The following ADAMTS6 variants were observed in gnomAD, a reference collection of about 807,000 sequenced individuals.
ADAMTS6 encodes A disintegrin and metalloproteinase with thrombospondin motifs 6.
In ADAMTS6, 23 loss-of-function variants were observed where a neutral mutation model predicts 144.3. That is an observed-to-expected ratio of 0.16 (90% CI 0.11 to 0.23). ADAMTS6 has a LOEUF of 0.23. ADAMTS6 is among the 10% of genes least tolerant of loss of function. The probability of loss-of-function intolerance (pLI) is 1.00; values close to 1 mark genes in which losing one functional copy is unlikely to be tolerated. For missense variants in ADAMTS6, 999 were observed against 1,379.6 expected (o/e 0.72, Z 4.37); for synonymous variants, 444 against 457.5 (o/e 0.97, Z 0.38).
At chr5:65,328,765 T>A (rs899798271) in intron 9 of ADAMTS6, among the ~76,000 whole-genome samples, 8 of 135,872 alleles carry the variant, frequency 5.9e-5, no homozygotes, top group African/African-American at 2.8e-4. Context: ...AAAAATGGTA[T>A]TTTTTGCATG....
At chr5:65,422,593 G>A (rs1756153990) in intron 7 of ADAMTS6, among the ~76,000 whole-genome samples, 1 of 152,082 alleles carries the variant, frequency 6.6e-6, no homozygotes, top group Non-Finnish European at 1.5e-5. Context: ...CTGCACTCCA[G>A]CCTGGTGACA....
chr5:65,206,808 T>C (rs1453107065), intron 20 of ADAMTS6, among the ~76,000 whole-genome samples: 1 of 149,406 alleles, frequency 6.7e-6, no homozygotes, highest in Non-Finnish European at 1.5e-5. Flanking sequence ...TATGTTTATA[T>C]GCTGTTTTTT....
intron 9 of ADAMTS6, among the ~76,000 whole-genome samples, chr5:65,312,410 A>T (rs1744583951): frequency 6.6e-6 from 1 of 152,086 alleles, no homozygotes; most frequent in Non-Finnish European, 1.5e-5. Context: ...AATTTAAGGG[A>T]TGTACTCAGT....
intron 12 of ADAMTS6, among the ~76,000 whole-genome samples, chr5:65,267,789 C>T (rs1194228273): frequency 2.0e-5 from 3 of 152,026 alleles, no homozygotes; most frequent in Non-Finnish European, 4.4e-5. Flanking sequence ...GAATAAGAGA[C>T]CTCTAAGGAA....
intron 7 of ADAMTS6, among the ~76,000 whole-genome samples, chr5:65,405,781 T>C (rs555505175): frequency 3.2e-4 from 49 of 152,348 alleles, no homozygotes; most frequent in African/African-American, 1.2e-3. Context: ...TCCATGAGCA[T>C]GGAATGTTCT....
chr5:65,457,872 G>A (rs7708978), intron 4 of ADAMTS6, among the ~76,000 whole-genome samples: 4,280 of 150,294 alleles, frequency 0.028, 200 homozygotes, highest in African/African-American at 0.098. Flanking sequence ...GACTACAGGC[G>A]CGTGCCACGA....
At chr5:65,391,946 G>A (rs1752957452) in intron 7 of ADAMTS6, among the ~76,000 whole-genome samples, 1 of 152,016 alleles carries the variant, frequency 6.6e-6, no homozygotes, top group Admixed American at 6.6e-5. Context: ...ACATTGGCCA[G>A]GCTGGTCTCA....
At chr5:65,393,353 C>T (rs180982733) in intron 7 of ADAMTS6, among the ~76,000 whole-genome samples, 73 of 152,214 alleles carry the variant, frequency 4.8e-4, no homozygotes, top group Non-Finnish European at 9.6e-4. Context: ...TGAACATATG[C>T]CAATTTAAGT....
chr5:65,457,745 C>CTTTTTT (rs1180960588), intron 4 of ADAMTS6, among the ~76,000 whole-genome samples: 11 of 97,426 alleles, frequency 1.1e-4, no homozygotes, highest in Non-Finnish European at 1.3e-4. Context: ...TTCTTTCTTT[C>CTTTTTT]TTTTTTTTTT....
Position 65,473,041 on chromosome 5 carries a change from A to G in ADAMTS6, c.97+536T>C, listed in dbSNP as rs539353756. ...GCTTTGTTAAGATCATTTCTACGAT[A>G]TAAAGCTCAATTCTATAGATTAAAA... is the stretch of plus-strand genomic sequence containing the variant. On this transcript the variant is annotated intron_variant, in intron 2 of 24. Transcript: ENST00000381055. Among the ~76,000 whole-genome samples, 5 of 152,316 alleles carry G rather than the reference A, an allele frequency of 3.3e-5. 1 individual carries two copies. The highest frequency in any genetic ancestry group is 1.2e-4 in the African/African-American group (5 of 41,596).
chr5:65,438,889 C>T (rs1313879695), intron 7 of ADAMTS6, among the ~76,000 whole-genome samples: 2 of 152,126 alleles, frequency 1.3e-5, no homozygotes, highest in East Asian at 1.9e-4. Context: ...ACACAAGGTG[C>T]GAACTCTAGA....
chr5:65,466,658 G>T (rs1760028313), intron 3 of ADAMTS6, among the ~76,000 whole-genome samples: 2 of 152,182 alleles, frequency 1.3e-5, no homozygotes, highest in African/African-American at 4.8e-5. Flanking sequence ...TAAATGAACA[G>T]AAAGTCTAAT....
intron 7 of ADAMTS6, among the ~76,000 whole-genome samples, chr5:65,450,397 G>T (rs1758642200): frequency 6.6e-6 from 1 of 152,104 alleles, no homozygotes; most frequent in Non-Finnish European, 1.5e-5. Flanking sequence ...TGGATCTCAA[G>T]ATTCTAACTC....
chr5:65,470,531 A>G (rs1004344531), intron 3 of ADAMTS6, among the ~76,000 whole-genome samples: 5 of 152,134 alleles, frequency 3.3e-5, no homozygotes, highest in African/African-American at 1.2e-4. Flanking sequence ...CTAAAGGGAA[A>G]TCTGAAGTTT....
chr5:65,372,264 T>C (rs370577022), intron 7 of ADAMTS6, among the ~76,000 whole-genome samples: 1 of 150,238 alleles, frequency 6.7e-6, no homozygotes, highest in South Asian at 2.1e-4. Flanking sequence ...CAATATTAAC[T>C]TTAAATGTAA....
chr5:65,330,055 T>C (rs1477669639), intron 8 of ADAMTS6, among the ~76,000 whole-genome samples: 2 of 152,162 alleles, frequency 1.3e-5, no homozygotes, highest in East Asian at 1.9e-4. Flanking sequence ...CTGACAGTGA[T>C]GCAACAATTT....
At chr5:65,328,170 T>C (rs773405725) in intron 9 of ADAMTS6, among the ~76,000 whole-genome samples, 2 of 152,126 alleles carry the variant, frequency 1.3e-5, no homozygotes, top group Non-Finnish European at 2.9e-5. Flanking sequence ...ACCTAAATCA[T>C]ATCAACTTGA....
chr5:65,401,978 T>C (rs769163214), intron 7 of ADAMTS6, among the ~76,000 whole-genome samples: 7 of 152,158 alleles, frequency 4.6e-5, no homozygotes, highest in Non-Finnish European at 1.5e-5. Context: ...ATCATCCTAA[T>C]ACACTGGCCT....
chr5:65,459,160 G>A (rs1477272837), intron 4 of ADAMTS6, among the ~76,000 whole-genome samples: 1 of 151,972 alleles, frequency 6.6e-6, no homozygotes, highest in Non-Finnish European at 1.5e-5. Context: ...TTACAGGTGT[G>A]AGCCACCGCG....
Sources: allele counts gnomAD v4.1 joint callset (sites outside exome capture counted in the v4.1 genomes callset), GRCh38; gene constraint gnomAD v4.1.1; transcripts MANE v1.5; gene names NCBI Gene and HGNC (gene_info 2026-07-23, HGNC 2026-07-21).